The following KCNIP4 variants were observed in gnomAD, a reference collection of about 807,000 sequenced individuals.
KCNIP4 encodes the protein Kv channel-interacting protein 4.
Under a neutral mutation model 34.0 loss-of-function variants are expected in KCNIP4, and 12 were observed. The ratio of observed to expected loss-of-function variants is 0.35; its 90% CI spans 0.23 to 0.57. KCNIP4 has a LOEUF of 0.57. Ranked by LOEUF, KCNIP4 falls within the 20% of genes least tolerant of loss-of-function variation. KCNIP4 has a pLI of 0.83. For missense variants in KCNIP4, 238 were observed against 311.7 expected (o/e 0.76, Z 1.78); for synonymous variants, 124 against 102.2 (o/e 1.21, Z -1.29).
At chr4:21,573,659 AT>A (rs1292200386) in intron 1 of KCNIP4, among the ~76,000 whole-genome samples, 1 of 152,066 alleles carries the variant, frequency 6.6e-6, no homozygotes, top group Non-Finnish European at 1.5e-5. Flanking sequence ...TATTTTATCT[AT>A]TCTGAGACAC....
chr4:21,140,694 A>T (rs1751882432), intron 1 of KCNIP4, among the ~76,000 whole-genome samples: 1 of 152,060 alleles, frequency 6.6e-6, no homozygotes, highest in Non-Finnish European at 1.5e-5. Context: ...TCTGACCCTC[A>T]TCCAGTTTTC....
intron 1 of KCNIP4, among the ~76,000 whole-genome samples, chr4:21,456,459 G>A (rs1484844042): frequency 4.1e-5 from 6 of 147,848 alleles, no homozygotes; most frequent in Admixed American, 6.7e-5. Context: ...TCATATCAAT[G>A]TACTACCCAC....
At chr4:21,251,929 T>C (rs2109080058) in intron 1 of KCNIP4, among the ~76,000 whole-genome samples, 1 of 151,236 alleles carries the variant, frequency 6.6e-6, no homozygotes, top group African/African-American at 2.4e-5. Context: ...AGTTAATGGG[T>C]GCAGCACACC....
chr4:21,185,816 A>G (rs1225698368), intron 1 of KCNIP4, among the ~76,000 whole-genome samples: 1 of 152,186 alleles, frequency 6.6e-6, no homozygotes, highest in Middle Eastern at 3.2e-3. Flanking sequence ...CACATGAGGC[A>G]TCTACTGTAT....
At chr4:21,022,766 G>T (rs1176541009) in intron 1 of KCNIP4, among the ~76,000 whole-genome samples, 1 of 152,126 alleles carries the variant, frequency 6.6e-6, no homozygotes. Context: ...TGTTTCAAAT[G>T]ATCCTAATCA....
intron 1 of KCNIP4, among the ~76,000 whole-genome samples, chr4:21,799,387 A>G (rs1258733404): frequency 6.6e-6 from 1 of 152,158 alleles, no homozygotes; most frequent in Non-Finnish European, 1.5e-5. Context: ...TCTTTATATT[A>G]CCAACATTTT....
At position 21,873,442 on chromosome 4, in the gene KCNIP4, C is replaced by T. The variant is rs573514070; in HGVS notation, c.61+75129G>A. Among the ~76,000 whole-genome samples the T allele has an allele frequency of 5.3e-5, 8 of 152,278 alleles. No individual in the cohort carries two copies. In the South Asian group the frequency reaches 1.7e-3, roughly 32 times the overall value. ...CTACCTCAAAAGAACAATGCAAAAACAGTATTATCAGTCCATCAGAATTAA... is the reference window on the plus strand; with the variant it reads ...CTACCTCAAAAGAACAATGCAAAAATAGTATTATCAGTCCATCAGAATTAA... On this transcript the variant is annotated intron_variant, in intron 1 of 8. Coordinates refer to ENST00000382152, the MANE Select transcript of KCNIP4 (RefSeq NM_025221.6).
Position 20,993,930 on chromosome 4 carries a change from T to A in KCNIP4, c.62-111221A>T, listed in dbSNP as rs77322649. ...TTCCAGCTTCTAGAGGCTGCCTGCA[T>A]ATCTTGGCTTGTGGCCCCTTCCATT... On this transcript the variant is annotated intron_variant, in intron 1 of 8. Coordinates refer to ENST00000382152, the MANE Select transcript of KCNIP4 (RefSeq NM_025221.6). Among the ~76,000 whole-genome samples the A allele has an allele frequency of 4.2e-3, 638 of 152,314 alleles. 3 individuals are homozygous for A. Among genetic ancestry groups the A allele is most frequent in the African/African-American group, 0.014 (584 of 41,570 alleles).
intron 1 of KCNIP4, among the ~76,000 whole-genome samples, chr4:21,080,746 C>A (rs1577657201): frequency 6.6e-6 from 1 of 151,604 alleles, no homozygotes. Flanking sequence ...TTTGTTATTC[C>A]TATACTGTCT....
intron 3 of KCNIP4, among the ~76,000 whole-genome samples, chr4:20,824,451 G>T (rs1717478747): frequency 6.6e-6 from 1 of 152,132 alleles, no homozygotes; most frequent in Non-Finnish European, 1.5e-5. Context: ...GGAGGCTGAG[G>T]CGGGCAGATT....
intron 1 of KCNIP4, among the ~76,000 whole-genome samples, chr4:21,480,434 G>C (rs10029081): frequency 0.011 from 1,707 of 152,194 alleles, 36 homozygotes; most frequent in African/African-American, 0.039. Flanking sequence ...TCCTTAACTT[G>C]ATAAAGAGTA....
At chr4:20,988,219 C>T (rs750981125) in intron 1 of KCNIP4, among the ~76,000 whole-genome samples, 13 of 151,954 alleles carry the variant, frequency 8.6e-5, no homozygotes, top group Non-Finnish European at 1.3e-4. Context: ...ACTCTCAGGC[C>T]CCTCTGCACC....
At chr4:21,177,858 T>TTATATATATATATATA (rs3080785) in intron 1 of KCNIP4, among the ~76,000 whole-genome samples, 42 of 139,310 alleles carry the variant, frequency 3.0e-4, no homozygotes, top group African/African-American at 8.4e-4. Flanking sequence ...AAAAAAAAAA[T>TTATATATATATATATA]TATATATATA....
intron 1 of KCNIP4, among the ~76,000 whole-genome samples, chr4:20,956,478 C>T (rs559850793): frequency 4.7e-5 from 7 of 149,694 alleles, no homozygotes; most frequent in African/African-American, 1.7e-4. Flanking sequence ...GAACTCCAGC[C>T]TGGGCGACAG....
At chr4:21,929,450 T>A (rs966725193) in intron 1 of KCNIP4, among the ~76,000 whole-genome samples, 2 of 152,118 alleles carry the variant, frequency 1.3e-5, no homozygotes, top group African/African-American at 4.8e-5. Context: ...AATAGCCAAT[T>A]GCATCATGTG....
In KCNIP4 at chr4:21,596,913, G is replaced by A. The variant is rs149141103; in HGVS notation, c.61+351658C>T. On this transcript the variant is annotated intron_variant, in intron 1 of 8. Transcript: ENST00000382152. ...GATTTGGAAGCGGAAACCATCCTCC[G>A]AGGAGATGGAGAGCCAGTGGAGGAT... 2.3e-3 allele frequency among the ~76,000 whole-genome samples: 348 copies of A among 152,178 alleles called. 1 individual carries two copies. The highest frequency in any genetic ancestry group is 3.5e-3 in the Non-Finnish European group (239 of 67,996).
At chr4:21,515,410 G>A (rs1316102628) in intron 1 of KCNIP4, among the ~76,000 whole-genome samples, 1 of 152,090 alleles carries the variant, frequency 6.6e-6, no homozygotes, top group Non-Finnish European at 1.5e-5. Context: ...AGGCAGAGAC[G>A]GGTGGATCAC....
chr4:21,320,347 C>G (rs1485681344), intron 1 of KCNIP4, among the ~76,000 whole-genome samples: 1 of 152,102 alleles, frequency 6.6e-6, no homozygotes, highest in African/African-American at 2.4e-5. Context: ...CCTGGCTAAG[C>G]AGGGGCTAGC....
chr4:21,903,489 G>C (rs1017055072), intron 1 of KCNIP4, among the ~76,000 whole-genome samples: 1 of 152,124 alleles, frequency 6.6e-6, no homozygotes, highest in African/African-American at 2.4e-5. Flanking sequence ...ATATTAATTG[G>C]TCTTTCAAAG....
Sources: allele counts gnomAD v4.1 joint callset (sites outside exome capture counted in the v4.1 genomes callset), GRCh38; gene constraint gnomAD v4.1.1; transcripts MANE v1.5; gene names NCBI Gene and HGNC (gene_info 2026-07-23, HGNC 2026-07-21).